Variants in RHOT1 observed in about 807,000 individuals in gnomAD.
RHOT1 encodes the protein mitochondrial Rho GTPase 1.
RHOT1 carries 27 observed loss-of-function variants against 95.3 expected under a neutral mutation model. The ratio of observed to expected loss-of-function variants is 0.28; its 90% CI spans 0.21 to 0.39. The LOEUF is 0.39. RHOT1 is among the 10% of genes least tolerant of loss of function. The pLI, the probability that RHOT1 is intolerant of heterozygous loss-of-function variation, is 1.00. For missense variants in RHOT1, 578 were observed against 786.7 expected, an observed-to-expected ratio of 0.73 and a Z score of 3.17; for synonymous variants, 227 against 263.5, an observed-to-expected ratio of 0.86 and a Z score of 1.34.
At chr17:32,197,567 A>G (rs2036992458) in intron 11 of RHOT1, among the ~76,000 whole-genome samples, 1 of 152,040 alleles carries the variant, frequency 6.6e-6, no homozygotes, top group Non-Finnish European at 1.5e-5. Context: ...CTGGGACTAC[A>G]GGCGTCCACC....
chr17:32,166,389 G>T (rs879467885), intron 1 of RHOT1, among the ~76,000 whole-genome samples: 65 of 152,112 alleles, frequency 4.3e-4, no homozygotes, highest in Non-Finnish European at 1.5e-4. Context: ...GACTGATTAG[G>T]GTGGTGATTC....
At chr17:32,186,050 T>C (rs1417502769) in intron 8 of RHOT1, among the ~76,000 whole-genome samples, 1 of 152,148 alleles carries the variant, frequency 6.6e-6, no homozygotes, top group Non-Finnish European at 1.5e-5. Context: ...GTACATTTAG[T>C]AGTTGAATTG....
intron 3 of RHOT1, among the ~76,000 whole-genome samples, chr17:32,174,695 A>C (rs2034852393): frequency 6.6e-6 from 1 of 152,246 alleles, no homozygotes; most frequent in South Asian, 2.1e-4. Flanking sequence ...TATGTAACCT[A>C]AGGTGGTCTA....
chr17:32,151,376 C>T, intron 1 of RHOT1: 1 of 613,728 alleles, frequency 1.6e-6, no homozygotes, highest in Non-Finnish European at 3.0e-6. Context: ...TGCACCACTG[C>T]ACTCCAGTTT....
chr17:32,172,647 A>C (rs759393228), intron 2 of RHOT1, among the ~76,000 whole-genome samples: 3 of 152,246 alleles, frequency 2.0e-5, no homozygotes, highest in Non-Finnish European at 4.4e-5. Flanking sequence ...AGCCTGGCCA[A>C]CATGGTGAAA....
intron 8 of RHOT1, among the ~76,000 whole-genome samples, chr17:32,186,656 C>T (rs555791539): frequency 3.3e-5 from 5 of 152,084 alleles, no homozygotes; most frequent in South Asian, 4.2e-4. Context: ...TGAGCCACTG[C>T]GCCCGGCCCC....
At chr17:32,205,595 A>T (rs922298919) in intron 16 of RHOT1, among the ~76,000 whole-genome samples, 2 of 152,144 alleles carry the variant, frequency 1.3e-5, no homozygotes, top group African/African-American at 4.8e-5. Flanking sequence ...AACAAACAAT[A>T]AAAAAAGTAC....
At position 32,201,669 on chromosome 17, in the gene RHOT1, A is replaced by G. The variant is rs563539545; in HGVS notation, c.1201+613A>G. ...ACCAGAGAATAAGAAAACAGTCACT[A>G]GCCAGCCATGAGGTTCTTTCACTCA... On this transcript the variant is annotated intron_variant, in intron 14 of 19. Transcript: ENST00000545287. 5.3e-5 allele frequency among the ~76,000 whole-genome samples: 8 copies of G among 152,352 alleles called. No individual in the cohort carries two copies. The East Asian group carries it at 1.3e-3, about 26-fold the overall frequency.
intron 1 of RHOT1, among the ~76,000 whole-genome samples, chr17:32,166,464 T>A (rs1181494136): frequency 6.6e-6 from 1 of 152,146 alleles, no homozygotes; most frequent in Non-Finnish European, 1.5e-5. Context: ...GCTGCATCGA[T>A]TGACTCTTCC....
chr17:32,151,664 C>A (rs530093847), intron 1 of RHOT1, among the ~76,000 whole-genome samples: 1 of 152,046 alleles, frequency 6.6e-6, no homozygotes, highest in Admixed American at 6.6e-5. Context: ...GGGCAGATCA[C>A]GAGGTCAGGA....
chr17:32,221,216 A>C (rs1349049964), intron 19 of RHOT1: 1 of 168,322 alleles, frequency 5.9e-6, no homozygotes, highest in African/African-American at 2.4e-5. Context: ...AAAAATACAA[A>C]AATTAGCTGG....
At chr17:32,184,672 A>G (rs1257061736) in intron 8 of RHOT1, among the ~76,000 whole-genome samples, 1 of 151,102 alleles carries the variant, frequency 6.6e-6, no homozygotes, top group Non-Finnish European at 1.5e-5. Flanking sequence ...TTTTACTTTT[A>G]TTTTTTGTAA....
intron 1 of RHOT1, among the ~76,000 whole-genome samples, chr17:32,143,863 T>TC (rs2030855515): frequency 6.6e-6 from 1 of 152,228 alleles, no homozygotes; most frequent in South Asian, 2.1e-4. Flanking sequence ...CGTGATGGAA[T>TC]CCCAAGGAAG....
intron 1 of RHOT1, among the ~76,000 whole-genome samples, chr17:32,165,352 A>G (rs2033973617): frequency 6.7e-6 from 1 of 150,228 alleles, no homozygotes. Context: ...AAAAAAAAAA[A>G]AAAAAAAAAA....
intron 1 of RHOT1, among the ~76,000 whole-genome samples, chr17:32,147,550 G>A (rs901236159): frequency 2.0e-5 from 3 of 151,964 alleles, no homozygotes; most frequent in Admixed American, 1.3e-4. Context: ...CTGGCCGGGC[G>A]CGGTGGCTCA....
At chr17:32,207,993 C>A in intron 17 of RHOT1, 114 bp from the exon 18 acceptor site, 1 of 855,410 alleles carries the variant, frequency 1.2e-6, no homozygotes, top group Non-Finnish European at 1.8e-6. Context: ...TTCACTTTTT[C>A]GCTTTGAAAC....
intron 10 of RHOT1, 143 bp from the exon 11 acceptor site, chr17:32,193,844 T>C (rs2036675376): frequency 2.0e-6 from 2 of 981,112 alleles, no homozygotes; most frequent in Admixed American, 5.4e-5. Flanking sequence ...TTCATTGAGA[T>C]ACTTGTGAAT....
intron 9 of RHOT1, 126 bp from the exon 10 acceptor site, chr17:32,193,010 T>C: frequency 1.6e-6 from 1 of 627,806 alleles, no homozygotes; most frequent in African/African-American, 1.9e-5. Context: ...TGACTATTCC[T>C]AATGTAGAAT....
At chr17:32,176,578 ATTTATTTATTTT>A (rs948980623) in intron 6 of RHOT1, among the ~76,000 whole-genome samples, 3 of 145,470 alleles carry the variant, frequency 2.1e-5, no homozygotes, top group African/African-American at 4.9e-5. Flanking sequence ...TTATTTATTT[ATTTATTTATTTT>A]GAGACAGAGT....
Sources: allele counts gnomAD v4.1 joint callset (sites outside exome capture counted in the v4.1 genomes callset), GRCh38; gene constraint gnomAD v4.1.1; transcripts MANE v1.5; gene names NCBI Gene and HGNC (gene_info 2026-07-23, HGNC 2026-07-21).